PCDH15: variants seen among roughly 807,000 people sequenced by gnomAD.
The protein encoded by PCDH15 is protocadherin-15.
Under a neutral mutation model 178.5 loss-of-function variants are expected in PCDH15, and 129 were observed. That is an observed-to-expected ratio of 0.72 (90% confidence interval 0.63 to 0.84). The LOEUF (loss-of-function observed/expected upper bound fraction) is 0.84, where lower values mean the gene tolerates loss of function less well. PCDH15 is among the 40% of genes least tolerant of loss of function. The probability of loss-of-function intolerance (pLI) is 0.00; values close to 1 mark genes in which losing one functional copy is unlikely to be tolerated. For synonymous variants in PCDH15, 800 were observed against 732.0 expected (o/e 1.09, Z -1.50); for missense variants, 2,230 against 2,099.9 (o/e 1.06, Z -1.21).
intron 2 of PCDH15, among the ~76,000 whole-genome samples, chr10:54,580,275 C>T (rs935679383): frequency 6.6e-6 from 1 of 151,858 alleles, no homozygotes; most frequent in Non-Finnish European, 1.5e-5. Context: ...CATTCAGAAA[C>T]AAGGATGACA....
At chr10:54,201,456 A>C (rs2050222261) in intron 10 of PCDH15, among the ~76,000 whole-genome samples, 1 of 151,924 alleles carries the variant, frequency 6.6e-6, no homozygotes, top group Non-Finnish European at 1.5e-5. Context: ...TTGCTTGTAT[A>C]GTAAATTCCA....
intron 6 of PCDH15, among the ~76,000 whole-genome samples, chr10:54,344,548 G>T (rs547546786): frequency 1.3e-5 from 2 of 152,040 alleles, no homozygotes; most frequent in African/African-American, 4.8e-5. Flanking sequence ...ACATGGACTA[G>T]TCATTTGATA....
At chr10:55,168,506 T>C (rs11592076) in intron 1 of PCDH15, among the ~76,000 whole-genome samples, 20,489 of 152,204 alleles carry the variant, frequency 0.13, 1,632 homozygotes, top group Non-Finnish European at 0.17. Flanking sequence ...CAGAAATAGC[T>C]AGATATTCCC....
intron 13 of PCDH15, among the ~76,000 whole-genome samples, chr10:54,163,412 A>C (rs1162337161): frequency 6.6e-6 from 1 of 151,856 alleles, no homozygotes; most frequent in Non-Finnish European, 1.5e-5. Flanking sequence ...AGCAGGAGAG[A>C]GAGAGAGAGC....
At chr10:54,170,746 C>T (rs1037233328) in intron 13 of PCDH15, among the ~76,000 whole-genome samples, 202 of 152,116 alleles carry the variant, frequency 1.3e-3, no homozygotes, top group African/African-American at 4.5e-3. Context: ...TTATTGATGG[C>T]GGTTCCACCA....
chr10:55,082,922 A>G (rs1380764475), intron 2 of PCDH15, among the ~76,000 whole-genome samples: 1 of 152,000 alleles, frequency 6.6e-6, no homozygotes, highest in Non-Finnish European at 1.5e-5. Flanking sequence ...CCCAGCAAAG[A>G]AAAGCCCAGG....
At chr10:54,678,470 T>G (rs2094832635) in intron 1 of PCDH15, among the ~76,000 whole-genome samples, 1 of 152,184 alleles carries the variant, frequency 6.6e-6, no homozygotes, top group Non-Finnish European at 1.5e-5. Context: ...TATTTTTTGG[T>G]GAGCAACACT....
In PCDH15 at chr10:54,307,102, GTGTATA is replaced by G. The variant is rs1409993545; in HGVS notation, c.876+10163_876+10168del. 1.6e-3 allele frequency among the ~76,000 whole-genome samples: 19 copies of G among 11,730 alleles called. 2 individuals carry two copies. Among genetic ancestry groups the G allele is most frequent in the African/African-American group, 4.5e-3 (11 of 2,444 alleles). 7.7% of individuals were successfully genotyped at this position (11,730 alleles called of 152,430 possible). A position where few individuals can be genotyped will look rare whatever the true frequency, so the allele number is the denominator to read the frequency against. ...TATACATATATATATATGTGTGTGTGTGTATATATATATATATATATATATATATAT... is the reference window on the plus strand; with the variant it reads ...TATACATATATATATATGTGTGTGTGTATATATATATATATATATATATAT... On this transcript the variant is annotated intron_variant, in intron 8 of 37. Transcript: ENST00000644397.
chr10:55,342,422 A>C (rs1844628162), intron 2 of PCDH15, among the ~76,000 whole-genome samples: 1 of 151,946 alleles, frequency 6.6e-6, no homozygotes. Flanking sequence ...AATTGTGCAT[A>C]GTAATATTAA....
intron 11 of PCDH15, among the ~76,000 whole-genome samples, chr10:54,191,610 A>G (rs2133877379): frequency 6.6e-6 from 1 of 152,254 alleles, no homozygotes; most frequent in South Asian, 2.1e-4. Flanking sequence ...AATAGGTGTC[A>G]TAAAAGTATA....
chr10:54,669,316 A>G lies in PCDH15; in HGVS notation c.-28-5026T>C, dbSNP rs1590946206. ...CAGATATATTCCTTCCTTCTAGATC[A>G]TATTATATTTTTCTTTACTAAATAT... On this transcript the variant is annotated intron_variant, in intron 1 of 37. Coordinates refer to ENST00000644397, the MANE Select transcript of PCDH15 (RefSeq NM_001384140.1). 2.0e-5 allele frequency among the ~76,000 whole-genome samples: 3 copies of G among 151,828 alleles called. No homozygotes were observed. In the East Asian group the frequency reaches 5.8e-4, roughly 29 times the overall value.
intron 6 of PCDH15, among the ~76,000 whole-genome samples, chr10:54,336,821 A>G (rs1429087340): frequency 6.6e-6 from 1 of 152,144 alleles, no homozygotes; most frequent in Non-Finnish European, 1.5e-5. Context: ...GTCCTCCAGA[A>G]CCCAGAAAGT....
At chr10:55,297,173 G>A (rs1258554413) in intron 1 of PCDH15, among the ~76,000 whole-genome samples, 1 of 150,976 alleles carries the variant, frequency 6.6e-6, no homozygotes, top group Non-Finnish European at 1.5e-5. Flanking sequence ...CAGTATGTTA[G>A]AAAAAAAATA....
intron 2 of PCDH15, among the ~76,000 whole-genome samples, chr10:55,397,394 A>G (rs1274099081): frequency 1.3e-5 from 2 of 152,178 alleles, no homozygotes; most frequent in Non-Finnish European, 2.9e-5. Context: ...TACTTAGTCA[A>G]TTAACGTCAC....
chr10:55,432,307 C>A (rs1269428313), intron 2 of PCDH15, among the ~76,000 whole-genome samples: 3 of 152,140 alleles, frequency 2.0e-5, no homozygotes, highest in Non-Finnish European at 4.4e-5. Context: ...GATATGAAGT[C>A]ATAGATAAAT....
chr10:53,876,633 AAAAG>A (rs2080269138), intron 26 of PCDH15, among the ~76,000 whole-genome samples: 1 of 152,124 alleles, frequency 6.6e-6, no homozygotes, highest in African/African-American at 2.4e-5. Flanking sequence ...GCAAAAAAAA[AAAAG>A]AAGAAACAAG....
intron 3 of PCDH15, among the ~76,000 whole-genome samples, chr10:54,450,130 AATAT>A (rs10526141): frequency 0.053 from 7,220 of 137,152 alleles, 246 homozygotes; most frequent in African/African-American, 0.076. Flanking sequence ...CTTTTTTATA[AATAT>A]ATATATATAT....
intron 2 of PCDH15, among the ~76,000 whole-genome samples, chr10:55,625,717 C>T (rs1429768136): frequency 6.6e-6 from 1 of 152,168 alleles, no homozygotes; most frequent in African/African-American, 2.4e-5. Flanking sequence ...GATAAACCTG[C>T]TCATGCAGAT....
intron 29 of PCDH15, among the ~76,000 whole-genome samples, chr10:53,836,625 T>TCC (rs2077324917): frequency 6.6e-6 from 1 of 152,234 alleles, no homozygotes; most frequent in Non-Finnish European, 1.5e-5. Flanking sequence ...AAATAATTCC[T>TCC]GAATAGCTTT....
Sources: allele counts gnomAD v4.1 joint callset (sites outside exome capture counted in the v4.1 genomes callset), GRCh38; gene constraint gnomAD v4.1.1; transcripts MANE v1.5; gene names NCBI Gene and HGNC (gene_info 2026-07-23, HGNC 2026-07-21).